The following WWOX variants were observed in gnomAD, a reference collection of about 807,000 sequenced individuals.
WWOX encodes the protein WW domain containing oxidoreductase, also known as WW domain-containing oxidoreductase.
A neutral mutation model predicts 46.2 loss-of-function variants in WWOX; 69 were observed. The observed-to-expected ratio is 1.49, with a 90% CI of 1.23 to 1.82. The LOEUF (loss-of-function observed/expected upper bound fraction) is 1.82, where lower values mean the gene tolerates loss of function less well. Among genes scored for constraint, WWOX ranks in the 40% most tolerant of loss-of-function variants. The probability of loss-of-function intolerance (pLI) is 0.00; values close to 1 mark genes in which losing one functional copy is unlikely to be tolerated. For synonymous variants in WWOX, 359 were observed against 202.6 expected, an observed-to-expected ratio of 1.77 and a Z score of -6.56; for missense variants, 919 against 542.6, an observed-to-expected ratio of 1.69 and a Z score of -6.89.
At chr16:78,118,705 G>A (rs943720517) in intron 4 of WWOX, among the ~76,000 whole-genome samples, 3 of 152,092 alleles carry the variant, frequency 2.0e-5, no homozygotes, top group Non-Finnish European at 4.4e-5. Context: ...AAAAAGTGCC[G>A]ACTGCTATGT....
At chr16:78,747,812 C>A (rs949694887) in intron 8 of WWOX, among the ~76,000 whole-genome samples, 3 of 152,188 alleles carry the variant, frequency 2.0e-5, no homozygotes, top group African/African-American at 7.2e-5. Context: ...AGAGTTTAGT[C>A]CTACCTCTGT....
chr16:78,638,441 C>T (rs78661967), intron 8 of WWOX, among the ~76,000 whole-genome samples: 5,964 of 151,642 alleles, frequency 0.039, 361 homozygotes, highest in African/African-American at 0.14. Context: ...TTTTTTGTTT[C>T]CTCTGCAAGC....
In WWOX at chr16:78,268,392, C is replaced by G. The variant is rs917524642; in HGVS notation, c.516+104103C>G. Among the ~76,000 whole-genome samples, 10 of 152,278 alleles carry G rather than the reference C, an allele frequency of 6.6e-5. 1 individual carries two copies. Among genetic ancestry groups the G allele is most frequent in the Admixed American group, 1.3e-4 (2 of 15,296 alleles). On this transcript the variant is annotated intron_variant, in intron 5 of 8. Transcript: ENST00000566780. ...TTGGCCAAGTGTAGATTATTCTGCT[C>G]AGGGTAGCCATACTGAGATCCTGGT...
At chr16:79,144,159 C>G (rs989512374) in intron 8 of WWOX, among the ~76,000 whole-genome samples, 3 of 152,172 alleles carry the variant, frequency 2.0e-5, no homozygotes, top group Admixed American at 1.3e-4. Context: ...CTCAGCCTCC[C>G]AAAGTGTGGA....
chr16:78,471,918 C>T (rs2084231722), intron 8 of WWOX, among the ~76,000 whole-genome samples: 1 of 151,998 alleles, frequency 6.6e-6, no homozygotes. Context: ...TAACGGTTAT[C>T]AGTTTTTGAT....
At chr16:78,688,225 C>T (rs942584952) in intron 8 of WWOX, among the ~76,000 whole-genome samples, 79 of 151,878 alleles carry the variant, frequency 5.2e-4, no homozygotes, top group African/African-American at 1.8e-3. Context: ...TGTTTTGAAA[C>T]GCAGTGATTT....
chr16:78,979,424 G>C (rs1015706081), intron 8 of WWOX, among the ~76,000 whole-genome samples: 1 of 152,074 alleles, frequency 6.6e-6, no homozygotes, highest in African/African-American at 2.4e-5. Flanking sequence ...TGTCTGTCTC[G>C]GAATACGTAC....
chr16:78,889,548 C>T (rs1039011758), intron 8 of WWOX, among the ~76,000 whole-genome samples: 14 of 152,024 alleles, frequency 9.2e-5, no homozygotes, highest in African/African-American at 1.5e-4. Context: ...TAAGTATTGG[C>T]CTGTGTCCAC....
intron 8 of WWOX, among the ~76,000 whole-genome samples, chr16:79,006,629 A>G (rs1419235089): frequency 1.3e-5 from 2 of 152,048 alleles, no homozygotes; most frequent in East Asian, 3.9e-4. Flanking sequence ...GTATTATCTG[A>G]CAGTCCCATA....
intron 8 of WWOX, among the ~76,000 whole-genome samples, chr16:78,916,590 A>C (rs920885543): frequency 6.6e-6 from 1 of 152,240 alleles, no homozygotes; most frequent in African/African-American, 2.4e-5. Flanking sequence ...GATAATAATT[A>C]TACCAAGACA....
intron 8 of WWOX, among the ~76,000 whole-genome samples, chr16:78,478,756 G>A (rs916396319): frequency 3.9e-5 from 6 of 152,204 alleles, no homozygotes; most frequent in Admixed American, 1.3e-4. Flanking sequence ...TATGTGCTCA[G>A]CAATCTAGCA....
At chr16:79,129,315 C>T (rs921540674) in intron 8 of WWOX, among the ~76,000 whole-genome samples, 1 of 149,972 alleles carries the variant, frequency 6.7e-6, no homozygotes. Flanking sequence ...GGGGGGCACA[C>T]TTCCTGATAT....
intron 4 of WWOX, among the ~76,000 whole-genome samples, chr16:78,156,970 C>T (rs915229269): frequency 6.6e-6 from 1 of 152,142 alleles, no homozygotes; most frequent in Admixed American, 6.5e-5. Context: ...CTGGAACCTG[C>T]CTGGCCTTGT....
intron 8 of WWOX, among the ~76,000 whole-genome samples, chr16:79,071,385 G>A (rs1278692081): frequency 6.6e-6 from 1 of 152,222 alleles, no homozygotes; most frequent in Non-Finnish European, 1.5e-5. Context: ...TTGAGAGGGT[G>A]TGAAATACAG....
chr16:78,462,610 C>T (rs970017870), intron 8 of WWOX, among the ~76,000 whole-genome samples: 1 of 152,190 alleles, frequency 6.6e-6, no homozygotes, highest in Admixed American at 6.5e-5. Flanking sequence ...GATCAGAGGT[C>T]CGTCTCCAAG....
At chr16:78,565,370 T>G (rs549936515) in intron 8 of WWOX, among the ~76,000 whole-genome samples, 7 of 152,208 alleles carry the variant, frequency 4.6e-5, no homozygotes, top group African/African-American at 1.4e-4. Context: ...AGAATCTGTT[T>G]CCTTGCGTTT....
chr16:78,587,552 C>T (rs1015014477), intron 8 of WWOX, among the ~76,000 whole-genome samples: 8 of 152,012 alleles, frequency 5.3e-5, no homozygotes, highest in African/African-American at 1.4e-4. Flanking sequence ...TCCTGAGATT[C>T]GCTCACTGCC....
At chr16:79,208,479 C>T (rs996013419) in intron 8 of WWOX, among the ~76,000 whole-genome samples, 8 of 152,102 alleles carry the variant, frequency 5.3e-5, no homozygotes, top group African/African-American at 1.2e-4. Context: ...GCATTGATGA[C>T]AACTGGCAAG....
chr16:78,911,440 C>T (rs2045108814), intron 8 of WWOX, among the ~76,000 whole-genome samples: 1 of 151,878 alleles, frequency 6.6e-6, no homozygotes, highest in Non-Finnish European at 1.5e-5. Flanking sequence ...TTTGTGGAGA[C>T]ATTAAAGTGC....
Sources: allele counts gnomAD v4.1 joint callset (sites outside exome capture counted in the v4.1 genomes callset), GRCh38; gene constraint gnomAD v4.1.1; transcripts MANE v1.5; gene names NCBI Gene and HGNC (gene_info 2026-07-23, HGNC 2026-07-21).